ARMH1: variants seen among roughly 807,000 people sequenced by gnomAD.
The protein encoded by ARMH1 is armadillo like helical domain containing 1.
Under a neutral mutation model 50.2 loss-of-function variants are expected in ARMH1, and 34 were observed. That is an observed-to-expected ratio of 0.68 (90% CI 0.51 to 0.90). The LOEUF (loss-of-function observed/expected upper bound fraction) is 0.90, where lower values mean the gene tolerates loss of function less well. Ranked by LOEUF, ARMH1 falls within the 40% of genes least tolerant of loss-of-function variation. The pLI, the probability that ARMH1 is intolerant of heterozygous loss-of-function variation, is 0.00. For missense variants in ARMH1, 538 were observed against 553.9 expected (o/e 0.97, Z 0.29); for synonymous variants, 221 against 224.2 (o/e 0.99, Z 0.13).
At chr1:44,721,845 A>C (rs745728997) in intron 6 of ARMH1, 3 of 152,120 alleles carry the variant, frequency 2.0e-5, no homozygotes, top group Admixed American at 6.6e-5. Context: ...GTTTTTCTCC[A>C]CGGAAATCTT....
rs534655895 is a variant in ARMH1, at chr1:44,681,025, C to T, written c.-23+6152C>T. ...TTTTTTTTTTTTTGAGACGGAGTCT[C>T]GCTCTGTCACCCAGGCTGGAGTGTA... On this transcript the variant is annotated intron_variant, in intron 1 of 11. Transcript: ENST00000535358. The surrounding 1 kb of genome is among the most constrained non-coding windows in gnomAD (Gnocchi z 4.3). Among the ~76,000 whole-genome samples, 186 of 146,104 alleles carry T rather than the reference C, an allele frequency of 1.3e-3. No homozygotes were observed. Among genetic ancestry groups the T allele is most frequent in the Middle Eastern group, 3.5e-3 (1 of 286 alleles).
intron 4 of ARMH1, 103 bp from the exon 5 acceptor site, chr1:44,700,820 G>A (rs1646050478): frequency 1.9e-6 from 2 of 1,061,394 alleles, no homozygotes; most frequent in East Asian, 5.3e-5. Flanking sequence ...GGTTGAACAG[G>A]CTTGGTTGAA....
rs1390855090 is a variant in ARMH1 at position 44,681,461 on chromosome 1, G to A, written c.-23+6588G>A. ...GTGCACTCCAGCCTGAGTGACAAGA[G>A]TGAGCCCCTATCTCGAATAAATACA... On this transcript the variant is annotated intron_variant, in intron 1 of 11. Transcript: ENST00000535358. The surrounding 1 kb of genome is among the most constrained non-coding windows in gnomAD (Gnocchi z 4.3). Among the ~76,000 whole-genome samples, 1 of 152,124 alleles carries A rather than the reference G, an allele frequency of 6.6e-6. No homozygotes were observed. The highest frequency in any genetic ancestry group is 1.5e-5 in the Non-Finnish European group (1 of 68,024).
chr1:44,713,021 C>CTT (rs891015644), intron 6 of ARMH1, among the ~76,000 whole-genome samples: 1 of 137,082 alleles, frequency 7.3e-6, no homozygotes, highest in Non-Finnish European at 1.6e-5. Flanking sequence ...TTGCTTTGCA[C>CTT]TTTTTTTTTT....
intron 2 of ARMH1, among the ~76,000 whole-genome samples, chr1:44,694,291 C>G (rs1645752272): frequency 6.6e-6 from 1 of 152,118 alleles, no homozygotes; most frequent in Non-Finnish European, 1.5e-5. Context: ...ACCCACTTCT[C>G]CTACTCAGCC....
In ARMH1 at chr1:44,725,125, C is replaced by T; in HGVS notation, c.1129-11C>T. 1 of 1,551,838 alleles carries T rather than the reference C, an allele frequency of 6.4e-7. No homozygotes were observed. Among genetic ancestry groups the T allele is most frequent in the Non-Finnish European group, 8.7e-7 (1 of 1,147,018 alleles). On this transcript the variant is annotated splice_polypyrimidine_tract_variant and intron_variant, in intron 10 of 11. Coordinates refer to ENST00000535358, the MANE Select transcript of ARMH1 (RefSeq NM_001145636.2). ...GCACCCCAGCCGGGTCCCCCTTGCT[C>T]CTGTCCTCAGAGCAACGCTGAGGAC...
In ARMH1 at chr1:44,690,207, G is replaced by A. The variant is rs547265585; in HGVS notation, c.206+304G>A. Among the ~76,000 whole-genome samples, 18 of 152,226 alleles carry A rather than the reference G, an allele frequency of 1.2e-4. No individual in the cohort carries two copies. The East Asian group carries it at 3.5e-3, about 29-fold the overall frequency. On this transcript the variant is annotated intron_variant, in intron 2 of 11. Transcript: ENST00000535358. The stretch of plus-strand genomic sequence containing the variant: ...CACTCCAGCCTGGGCAACAGAGTGA[G>A]ACTCTGTCTCAAAACAAACAAACAA...
chr1:44,682,861 G>A lies in ARMH1; in HGVS notation c.-22-6815G>A, dbSNP rs1645356099. Among the ~76,000 whole-genome samples the A allele has an allele frequency of 6.6e-6, 1 of 152,148 alleles. No individual in the cohort carries two copies. The highest frequency in any genetic ancestry group is 1.5e-5 in the Non-Finnish European group (1 of 68,010). On this transcript the variant is annotated intron_variant, in intron 1 of 11. Coordinates refer to ENST00000535358, the MANE Select transcript of ARMH1 (RefSeq NM_001145636.2). This position sits in a 1 kb window ranked among gnomAD's most constrained non-coding sequence, Gnocchi z 4.5. Reference sequence around the variant, plus strand: ...AGGCTGAGGTGGGAGGATCACTCGAGCCCAGGCGATTGAGGCTGCGGTAAG... The same window carrying A: ...AGGCTGAGGTGGGAGGATCACTCGAACCCAGGCGATTGAGGCTGCGGTAAG...
At chr1:44,689,114 A>T (rs978126504) in intron 1 of ARMH1, 1 of 152,886 alleles carries the variant, frequency 6.5e-6, no homozygotes, top group Non-Finnish European at 1.5e-5. Context: ...CCCAGGCTAG[A>T]GTGCAGTGGC....
intron 6 of ARMH1, among the ~76,000 whole-genome samples, chr1:44,709,540 CAT>C: frequency 2.6e-5 from 4 of 151,820 alleles, no homozygotes; most frequent in Non-Finnish European, 4.4e-5. Context: ...GGCGTAGTGG[CAT>C]GCGCCTGTAG....
intron 6 of ARMH1, among the ~76,000 whole-genome samples, chr1:44,707,067 C>G (rs1338165052): frequency 1.3e-5 from 2 of 152,120 alleles, no homozygotes; most frequent in Non-Finnish European, 2.9e-5. Flanking sequence ...AGCCCTTCTT[C>G]CTTTGAACCA....
At chr1:44,700,567 G>T (rs906928469) in intron 4 of ARMH1, among the ~76,000 whole-genome samples, 2 of 139,080 alleles carry the variant, frequency 1.4e-5, no homozygotes, top group African/African-American at 5.5e-5. Flanking sequence ...AGTGAGCCGA[G>T]ATCGCACCAC....
intron 1 of ARMH1, among the ~76,000 whole-genome samples, chr1:44,686,014 CAAGG>C (rs1645461100): frequency 6.6e-6 from 1 of 152,088 alleles, no homozygotes; most frequent in African/African-American, 2.4e-5. Context: ...CAGGACAAAA[CAAGG>C]GAGTACACAA....
chr1:44,722,465 G>C (rs761953311), intron 6 of ARMH1, among the ~76,000 whole-genome samples: 1 of 152,056 alleles, frequency 6.6e-6, no homozygotes, highest in Non-Finnish European at 1.5e-5. Flanking sequence ...ACTTTGGGAG[G>C]CCGAGGCAGG....
At position 44,709,468 on chromosome 1, in the gene ARMH1, C is replaced by A. The variant is rs180790345; in HGVS notation, c.724+5295C>A. On this transcript the variant is annotated intron_variant, in intron 6 of 11. Coordinates refer to ENST00000535358, the MANE Select transcript of ARMH1 (RefSeq NM_001145636.2). ...GGGGCGGATCACGAGGTCAGGAGATCGAGACCATCCTGGCTAACACGGTGA... is the reference window on the plus strand; with the variant it reads ...GGGGCGGATCACGAGGTCAGGAGATAGAGACCATCCTGGCTAACACGGTGA... Among the ~76,000 whole-genome samples the A allele has an allele frequency of 2.1e-4, 32 of 152,216 alleles. 1 individual carries two copies. In the South Asian group the frequency reaches 2.5e-3, roughly 12 times the overall value.
At chr1:44,700,615 C>CAA (rs71587059) in intron 4 of ARMH1, among the ~76,000 whole-genome samples, 18 of 62,270 alleles carry the variant, frequency 2.9e-4, no homozygotes, top group Middle Eastern at 7.7e-3. Context: ...GACTCCATCT[C>CAA]AAAAAAAAAA....
chr1:44,715,206 C>G (rs1161813728), intron 6 of ARMH1, among the ~76,000 whole-genome samples: 1 of 152,180 alleles, frequency 6.6e-6, no homozygotes, highest in Non-Finnish European at 1.5e-5. Context: ...CCTGGTTTTG[C>G]AAGGCTCTGG....
Position 44,690,140 on chromosome 1 carries a change from C to T in ARMH1, c.206+237C>T, listed in dbSNP as rs565054488. On this transcript the variant is annotated intron_variant, in intron 2 of 11. Transcript: ENST00000535358. ...GGCTGAGGCAGGAGAATCACTTGAA[C>T]CCGGGAGGCAGAGGTTGCAGTGAGC... is the stretch of plus-strand genomic sequence containing the variant. 1.2e-4 allele frequency among the ~76,000 whole-genome samples: 18 copies of T among 152,250 alleles called. 1 individual carries two copies. In the South Asian group the frequency reaches 3.7e-3, roughly 32 times the overall value.
At chr1:44,678,345 G>C (rs921939313) in intron 1 of ARMH1, among the ~76,000 whole-genome samples, 4 of 151,854 alleles carry the variant, frequency 2.6e-5, no homozygotes, top group Non-Finnish European at 5.9e-5. Context: ...TCATAGGAAG[G>C]AGATGGGGGA....
Sources: allele counts gnomAD v4.1 joint callset (sites outside exome capture counted in the v4.1 genomes callset), GRCh38; gene constraint gnomAD v4.1.1; non-coding constraint Gnocchi (gnomAD v3.1); transcripts MANE v1.5; gene names NCBI Gene and HGNC (gene_info 2026-07-23, HGNC 2026-07-21).